ZNF462: variants seen among roughly 807,000 people sequenced by gnomAD.
ZNF462 encodes the protein zinc finger PBX1-interacting protein.
In ZNF462, 10 loss-of-function variants were observed where a neutral mutation model predicts 201.9. The observed-to-expected ratio is 0.05, with a 90% CI of 0.03 to 0.08. ZNF462 has a LOEUF of 0.08. ZNF462 is among the 10% of genes least tolerant of loss of function. The probability of loss-of-function intolerance (pLI) is 1.00; values close to 1 mark genes in which losing one functional copy is unlikely to be tolerated. For synonymous variants in ZNF462, 1,227 were observed against 1,193.3 expected (o/e 1.03, Z -0.58); for missense variants, 2,523 against 3,168.3 (o/e 0.80, Z 4.89).
At chr9:106,864,042 CTCTCTCTCTCTCT>C (rs1564062305) in intron 1 of ZNF462, among the ~76,000 whole-genome samples, 4 of 19,022 alleles carry the variant, frequency 2.1e-4, no homozygotes, top group African/African-American at 1.3e-3. Context: ...GTATTTGGCT[CTCTCTCTCTCTCT>C]CTCTCTCTCT....
intron 1 of ZNF462, among the ~76,000 whole-genome samples, chr9:106,909,025 T>G (rs1019384695): frequency 3.7e-5 from 5 of 134,372 alleles, no homozygotes; most frequent in Non-Finnish European, 6.2e-5. Flanking sequence ...TGCAGTGACA[T>G]GATCTCGGCT....
At position 106,925,486 on chromosome 9, in the gene ZNF462, T is replaced by G. The variant is rs1438022223; in HGVS notation, c.1574T>G (p.Ile525Ser). 6.2e-7 allele frequency: 1 copy of G among 1,614,072 alleles called. No individual in the cohort carries two copies. Among genetic ancestry groups the G allele is most frequent in the East Asian group, 2.2e-5 (1 of 44,872 alleles). Residue 525 changes from isoleucine to serine, a missense_variant, in exon 3 of 13, where the codon ATC becomes AGC. By Grantham distance (142) the Ile-to-Ser change is moderately radical. Transcript: ENST00000277225. This position sits in a 1 kb window ranked among gnomAD's most constrained non-coding sequence, Gnocchi z 7.9. The part of the protein sequence containing the change: ...EGVVSYESSS[I>S]NGRKSGVMLD... ...GTGGTGTCTTATGAGAGCTCAAGCA[T>G]CAATGGTAGAAAGTCAGGAGTCATG... is the stretch of plus-strand genomic sequence containing the variant.
Position 106,932,196 on chromosome 9 carries a change from G to A in ZNF462, c.6013-250G>A. On this transcript the variant is annotated intron_variant, in intron 4 of 12. Coordinates refer to ENST00000277225, the MANE Select transcript of ZNF462 (RefSeq NM_021224.6). The surrounding 1 kb of genome is among the most constrained non-coding windows in gnomAD (Gnocchi z 6.8). ...GGGAGAATGTAGGGAGAAAAAGAAA[G>A]CTGGAGGCAATGATGATGGATATTT... is the stretch of plus-strand genomic sequence containing the variant. 6.5e-7 allele frequency: 1 copy of A among 1,534,694 alleles called. No individual in the cohort carries two copies. Among genetic ancestry groups the A allele is most frequent in the Admixed American group, 2.0e-5 (1 of 49,974 alleles).
At chr9:106,992,021 A>G (rs1182665449) in intron 10 of ZNF462, among the ~76,000 whole-genome samples, 1 of 151,996 alleles carries the variant, frequency 6.6e-6, no homozygotes, top group Admixed American at 6.6e-5. Flanking sequence ...AACTAAAAGA[A>G]AAAAGAAGAC....
chr9:106,944,312 A>G (rs576060951), intron 7 of ZNF462, among the ~76,000 whole-genome samples: 2 of 152,322 alleles, frequency 1.3e-5, no homozygotes, highest in East Asian at 1.9e-4. Context: ...AGAGCTTTCT[A>G]TTCTACCTGA....
At chr9:106,995,476 T>C (rs1413587808) in intron 10 of ZNF462, 2 of 152,196 alleles carry the variant, frequency 1.3e-5, no homozygotes, top group African/African-American at 2.4e-5. Context: ...AGTATAGCCA[T>C]GGTAGTTTTG....
Position 106,925,591 on chromosome 9 carries a change from T to TGCAGCAGCCACAGCCACC in ZNF462, c.1680_1697dup (p.Gln562_Gln567dup). The TGCAGCAGCCACAGCCACC allele has an allele frequency of 6.2e-7, 1 of 1,610,562 alleles. No homozygotes were observed. The highest frequency in any genetic ancestry group is 8.5e-7 in the Non-Finnish European group (1 of 1,178,046). On this transcript the variant is annotated inframe_insertion, in exon 3 of 13. Coordinates refer to ENST00000277225, the MANE Select transcript of ZNF462 (RefSeq NM_021224.6). This position sits in a 1 kb window ranked among gnomAD's most constrained non-coding sequence, Gnocchi z 7.9. ...CCACCACCATCACAGCCACAGCCAC[T>TGCAGCAGCCACAGCCACC]GCAGCAGCCACAGCCACCACAGCTG...
intron 1 of ZNF462, among the ~76,000 whole-genome samples, chr9:106,887,007 CAA>C (rs1463368046): frequency 6.6e-6 from 1 of 152,114 alleles, no homozygotes; most frequent in East Asian, 1.9e-4. Flanking sequence ...TACTCTTTAC[CAA>C]AACACTTTCT....
rs1829516197 is a variant in ZNF462 at position 107,005,972 on chromosome 9, T to G, written c.7189+2546T>G. 6.6e-6 allele frequency among the ~76,000 whole-genome samples: 1 copy of G among 152,222 alleles called. No individual in the cohort carries two copies. The highest frequency in any genetic ancestry group is 6.5e-5 in the Admixed American group (1 of 15,286). ...CCCCATTATGTGTTCTTGGCACCTT[T>G]GTTGAAAACCGATGGACTGTGAATG... On this transcript the variant is annotated intron_variant, in intron 11 of 12. Coordinates refer to ENST00000277225, the MANE Select transcript of ZNF462 (RefSeq NM_021224.6). This position sits in a 1 kb window ranked among gnomAD's most constrained non-coding sequence, Gnocchi z 4.4.
chr9:106,872,786 G>C lies in ZNF462; in HGVS notation c.-31+9431G>C, dbSNP rs539387097. On this transcript the variant is annotated intron_variant, in intron 1 of 12. Coordinates refer to ENST00000277225, the MANE Select transcript of ZNF462 (RefSeq NM_021224.6). This position sits in a 1 kb window ranked among gnomAD's most constrained non-coding sequence, Gnocchi z 4.5. ...AGAACAATAGAAAATAAATATGATT[G>C]CTTCATCAAAAAAATCTGCCAACTC... 6.6e-6 allele frequency among the ~76,000 whole-genome samples: 1 copy of C among 152,252 alleles called. No homozygotes were observed. Among genetic ancestry groups the C allele is most frequent in the East Asian group, 1.9e-4 (1 of 5,180 alleles).
chr9:106,932,270 C>T lies in ZNF462; in HGVS notation c.6013-176C>T, dbSNP rs776082529. ...TGTGTGTGGTTCTCTTAGCAGGAGG[C>T]GGATGACCCTGCCCACTTGTTCCTG... On this transcript the variant is annotated intron_variant, in intron 4 of 12. Coordinates refer to ENST00000277225, the MANE Select transcript of ZNF462 (RefSeq NM_021224.6). This position sits in a 1 kb window ranked among gnomAD's most constrained non-coding sequence, Gnocchi z 6.8. 1.9e-5 allele frequency: 29 copies of T among 1,550,818 alleles called. No homozygotes were observed. Among genetic ancestry groups the T allele is most frequent in the African/African-American group, 1.1e-4 (8 of 73,044 alleles).
chr9:106,912,526 C>T (rs1829595606), intron 1 of ZNF462, among the ~76,000 whole-genome samples: 1 of 152,160 alleles, frequency 6.6e-6, no homozygotes, highest in African/African-American at 2.4e-5. Context: ...ATATACGGGG[C>T]ATGGACCTTA....
At position 106,924,516 on chromosome 9, in the gene ZNF462, A is replaced by C. The variant is rs767449244; in HGVS notation, c.604A>C (p.Met202Leu). The change falls in exon 3 of 13, where the codon ATG becomes CTG. Residue 202 changes from methionine (M) to leucine (L), a missense_variant. Met to Leu is a conservative substitution (Grantham distance 15). Around this residue, in one of 15 missense-constraint regions of ZNF462, gnomAD observed 480 missense variants for 544.4 expected, o/e 0.88. Transcript: ENST00000277225. This position sits in a 1 kb window ranked among gnomAD's most constrained non-coding sequence, Gnocchi z 6.2. Reference protein sequence around the residue: ...TTAPPPAPAPMPDPVVPPVSL... With the variant: ...TTAPPPAPAPLPDPVVPPVSL... ...TGCTCCCCCACCTGCTCCTGCTCCAATGCCAGACCCTGTGGTTCCGCCCGT... is the reference window on the plus strand; with the variant it reads ...TGCTCCCCCACCTGCTCCTGCTCCACTGCCAGACCCTGTGGTTCCGCCCGT... 6.2e-7 allele frequency: 1 copy of C among 1,614,120 alleles called. No homozygotes were observed. Among genetic ancestry groups the C allele is most frequent in the Non-Finnish European group, 8.5e-7 (1 of 1,180,020 alleles).
At position 106,993,706 on chromosome 9, in the gene ZNF462, G is replaced by A. The variant is rs1828469732; in HGVS notation, c.7056+9297G>A. On this transcript the variant is annotated intron_variant, in intron 10 of 12. Transcript: ENST00000277225. The surrounding 1 kb of genome is among the most constrained non-coding windows in gnomAD (Gnocchi z 4.0). ...AACACACATAGTGAATTATTTATCA[G>A]TAATGCCCTTTATTAGCAATACTGT... Among the ~76,000 whole-genome samples the A allele has an allele frequency of 6.7e-6, 1 of 149,522 alleles. No individual in the cohort carries two copies. Among genetic ancestry groups the A allele is most frequent in the South Asian group, 2.1e-4 (1 of 4,760 alleles).
At chr9:106,988,604 A>G (rs1454306528) in intron 10 of ZNF462, among the ~76,000 whole-genome samples, 2 of 152,136 alleles carry the variant, frequency 1.3e-5, no homozygotes, top group Non-Finnish European at 2.9e-5. Flanking sequence ...TGCAGATTGC[A>G]TTAAATTTGT....
chr9:106,994,566 A>T (rs1431526066), intron 10 of ZNF462, among the ~76,000 whole-genome samples: 2 of 152,014 alleles, frequency 1.3e-5, no homozygotes, highest in Non-Finnish European at 2.9e-5. Flanking sequence ...AACAGCAATG[A>T]TTTCTGCAAG....
At chr9:106,945,623 A>G (rs902073587) in intron 7 of ZNF462, among the ~76,000 whole-genome samples, 1 of 152,224 alleles carries the variant, frequency 6.6e-6, no homozygotes, top group East Asian at 1.9e-4. Flanking sequence ...TGGCTTGACT[A>G]TAATTTTTAA....
Position 106,933,662 on chromosome 9 carries a change from T to C in ZNF462, c.6116+1113T>C, listed in dbSNP as rs1163973178. 6.6e-6 allele frequency among the ~76,000 whole-genome samples: 1 copy of C among 152,138 alleles called. No homozygotes were observed. The highest frequency in any genetic ancestry group is 1.5e-5 in the Non-Finnish European group (1 of 68,024). ...TAAAAAAAAACAAAACAAAACCCAC[T>C]GACTCATCAAAATAAAGCACGTCTT... On this transcript the variant is annotated intron_variant, in intron 5 of 12. Coordinates refer to ENST00000277225, the MANE Select transcript of ZNF462 (RefSeq NM_021224.6). The surrounding 1 kb of genome is among the most constrained non-coding windows in gnomAD (Gnocchi z 4.3).
chr9:106,960,135 A>G (rs1489377844), intron 7 of ZNF462, among the ~76,000 whole-genome samples: 1 of 152,078 alleles, frequency 6.6e-6, no homozygotes, highest in Admixed American at 6.6e-5. Context: ...TTCTTGATCA[A>G]CCATAGCCTT....
Sources: allele counts gnomAD v4.1 joint callset (sites outside exome capture counted in the v4.1 genomes callset), GRCh38; gene constraint gnomAD v4.1.1; regional missense constraint gnomAD v4.1.1; non-coding constraint Gnocchi (gnomAD v3.1); transcripts MANE v1.5; gene names NCBI Gene and HGNC (gene_info 2026-07-23, HGNC 2026-07-21).